WDFY3: variants seen among roughly 807,000 people sequenced by gnomAD.
WDFY3 encodes the protein WD repeat and FYVE domain-containing protein 3.
A neutral mutation model predicts 409.6 loss-of-function variants in WDFY3; 66 were observed. That is an observed-to-expected ratio of 0.16 (90% confidence interval 0.13 to 0.20). The LOEUF is 0.20. Ranked by LOEUF, WDFY3 falls within the 10% of genes least tolerant of loss-of-function variation. WDFY3 has a pLI of 1.00. For missense variants in WDFY3, 3,031 were observed against 4,298.1 expected (o/e 0.71, Z 8.24); for synonymous variants, 1,521 against 1,537.1 (o/e 0.99, Z 0.25).
chr4:84,885,779 T>C (rs1361771880), intron 3 of WDFY3, among the ~76,000 whole-genome samples: 1 of 152,176 alleles, frequency 6.6e-6, no homozygotes, highest in African/African-American at 2.4e-5. Context: ...CTTAGACATG[T>C]GGACAGAAAC....
intron 5 of WDFY3, among the ~76,000 whole-genome samples, chr4:84,849,029 G>A (rs896627302): frequency 6.6e-6 from 1 of 151,998 alleles, no homozygotes; most frequent in Non-Finnish European, 1.5e-5. Flanking sequence ...TTAACTCAGG[G>A]TATGTCTAAA....
intron 4 of WDFY3, among the ~76,000 whole-genome samples, chr4:84,856,097 G>A (rs1283035651): frequency 6.6e-6 from 1 of 152,136 alleles, no homozygotes; most frequent in African/African-American, 2.4e-5. Context: ...AAGTAATAAA[G>A]CTGCCACAAA....
At chr4:84,770,158 A>T (rs1744410869) in intron 30 of WDFY3, among the ~76,000 whole-genome samples, 1 of 151,614 alleles carries the variant, frequency 6.6e-6, no homozygotes, top group Non-Finnish European at 1.5e-5. Context: ...CCTCCTGAGT[A>T]GCTGGGACCA....
chr4:84,932,996 T>C (rs535209241), intron 1 of WDFY3, among the ~76,000 whole-genome samples: 1 of 152,286 alleles, frequency 6.6e-6, no homozygotes, highest in African/African-American at 2.4e-5. Context: ...CTTAGGCCTC[T>C]AGTAACTCTG....
intron 3 of WDFY3, among the ~76,000 whole-genome samples, chr4:84,870,490 C>G (rs1025896767): frequency 1.6e-4 from 24 of 152,150 alleles, no homozygotes; most frequent in African/African-American, 5.1e-4. Context: ...GGAGAAATGC[C>G]GGGACCACAA....
At chr4:84,926,761 A>G (rs185566840) in intron 2 of WDFY3, among the ~76,000 whole-genome samples, 6 of 152,362 alleles carry the variant, frequency 3.9e-5, no homozygotes, top group Admixed American at 3.3e-4. Flanking sequence ...TCCTGGTAAC[A>G]GCATCCTAAG....
At chr4:84,949,346 A>G (rs1182347263) in intron 1 of WDFY3, among the ~76,000 whole-genome samples, 1 of 152,218 alleles carries the variant, frequency 6.6e-6, no homozygotes, top group African/African-American at 2.4e-5. Flanking sequence ...AATATAGGAA[A>G]GAATCCCACA....
chr4:84,864,229 A>T (rs1248924354), intron 3 of WDFY3, among the ~76,000 whole-genome samples: 1 of 152,028 alleles, frequency 6.6e-6, no homozygotes, highest in Non-Finnish European at 1.5e-5. Context: ...TTAGCTGAGC[A>T]TGGTGGCACA....
intron 6 of WDFY3, among the ~76,000 whole-genome samples, chr4:84,838,735 T>C (rs975827042): frequency 6.6e-6 from 1 of 152,228 alleles, no homozygotes; most frequent in Non-Finnish European, 1.5e-5. Context: ...TTAACACTTA[T>C]GTTACCATAC....
intron 1 of WDFY3, among the ~76,000 whole-genome samples, chr4:84,949,615 C>T (rs1231678498): frequency 6.6e-6 from 1 of 152,132 alleles, no homozygotes; most frequent in African/African-American, 2.4e-5. Context: ...GAAACTTATT[C>T]AATTTCTAAT....
chr4:84,760,862 T>C (rs2149357354), intron 32 of WDFY3, among the ~76,000 whole-genome samples: 1 of 145,426 alleles, frequency 6.9e-6, no homozygotes. Context: ...TGAATGTGTT[T>C]GCTCTTGCTT....
chr4:84,774,371 A>G (rs1296657110), intron 29 of WDFY3, among the ~76,000 whole-genome samples: 1 of 152,246 alleles, frequency 6.6e-6, no homozygotes, highest in Non-Finnish European at 1.5e-5. Context: ...TATATCATAC[A>G]AAAAGTGTGG....
chr4:84,760,769 T>A (rs560811749), intron 32 of WDFY3, among the ~76,000 whole-genome samples: 11 of 147,058 alleles, frequency 7.5e-5, no homozygotes, highest in Non-Finnish European at 1.6e-4. Flanking sequence ...CCTGGATTCA[T>A]TAATTTTTTG....
chr4:84,773,554 A>G (rs1304656116), intron 29 of WDFY3, among the ~76,000 whole-genome samples: 3 of 152,194 alleles, frequency 2.0e-5, no homozygotes, highest in African/African-American at 4.8e-5. Flanking sequence ...CTTCATTTAT[A>G]AAGTAGGGAA....
At chr4:84,717,884 T>C (rs1198513902) in intron 48 of WDFY3, among the ~76,000 whole-genome samples, 1 of 151,694 alleles carries the variant, frequency 6.6e-6, no homozygotes, top group Non-Finnish European at 1.5e-5. Flanking sequence ...CTGTCTCTAC[T>C]AAAAATACAA....
chr4:84,924,997 C>T lies in WDFY3; in HGVS notation c.-132+7273G>A, dbSNP rs146914827. On this transcript the variant is annotated intron_variant, in intron 2 of 67. Transcript: ENST00000295888. ...ACAAAAGGTTTAATGCTCACAATCTCCTTTGCTTTTCCAGTAGCAGTTAAG... is the reference window on the plus strand; with the variant it reads ...ACAAAAGGTTTAATGCTCACAATCTTCTTTGCTTTTCCAGTAGCAGTTAAG... 1.1e-4 allele frequency among the ~76,000 whole-genome samples: 17 copies of T among 152,264 alleles called. No homozygotes were observed. The East Asian group carries it at 3.3e-3, about 29-fold the overall frequency.
intron 13 of WDFY3, 123 bp downstream of exon 13, chr4:84,817,269 G>T: frequency 1.6e-6 from 2 of 1,213,316 alleles, no homozygotes; most frequent in Non-Finnish European, 2.3e-6. Flanking sequence ...GTACAAAGTT[G>T]TGAGGTTTCT....
intron 32 of WDFY3, among the ~76,000 whole-genome samples, chr4:84,759,015 T>C (rs990079928): frequency 2.0e-5 from 3 of 152,224 alleles, no homozygotes; most frequent in Admixed American, 2.0e-4. Flanking sequence ...TTCAGCTTTC[T>C]ACATATGGCT....
intron 66 of WDFY3, 63 bp from the exon 67 acceptor site, chr4:84,677,459 C>T (rs1346324980): frequency 5.5e-6 from 8 of 1,456,232 alleles, no homozygotes; most frequent in Middle Eastern, 1.9e-4. Flanking sequence ...CTTCTTGAGG[C>T]TCTCTGGATT....
Sources: gnomAD v4.1 joint callset for allele counts (sites outside exome capture counted in the v4.1 genomes callset) on GRCh38, gnomAD v4.1.1 for gene constraint, MANE v1.5 for transcripts, NCBI Gene and HGNC (gene_info 2026-07-23, HGNC 2026-07-21) for gene names.